The following FBXL18 variants were observed in gnomAD, a reference collection of about 807,000 sequenced individuals.
FBXL18 encodes the protein F-box/LRR-repeat protein 18.
A neutral mutation model predicts 46.0 loss-of-function variants in FBXL18; 36 were observed. That is an observed-to-expected ratio of 0.78 (90% confidence interval 0.60 to 1.03). The LOEUF is 1.03. Ranked by LOEUF, FBXL18 falls within the 50% of genes least tolerant of loss-of-function variation. FBXL18 has a pLI of 0.00. For synonymous variants in FBXL18, 557 were observed against 465.3 expected, an observed-to-expected ratio of 1.20 and a Z score of -2.54; for missense variants, 977 against 1,004.1, an observed-to-expected ratio of 0.97 and a Z score of 0.36.
chr7:5,471,188 G>A (rs1364871872), downstream of FBXL18, among the ~76,000 whole-genome samples: 2 of 152,116 alleles, frequency 1.3e-5, no homozygotes, highest in South Asian at 2.1e-4. Context: ...TAAATCAGCC[G>A]CTGTGCAGGG....
At chr7:5,485,478 T>C (rs571843138) in intron 4 of FBXL18, among the ~76,000 whole-genome samples, 14 of 152,278 alleles carry the variant, frequency 9.2e-5, no homozygotes, top group South Asian at 8.3e-4. Flanking sequence ...GTTCAGATGC[T>C]GCAGACACAT....
At chr7:5,490,759 G>C (rs1783900636) in intron 4 of FBXL18, among the ~76,000 whole-genome samples, 1 of 152,224 alleles carries the variant, frequency 6.6e-6, no homozygotes, top group Non-Finnish European at 1.5e-5. Context: ...GAGGTCGGGA[G>C]TTCGAGACCA....
intron 4 of FBXL18, among the ~76,000 whole-genome samples, chr7:5,466,135 A>T (rs945201683): frequency 2.6e-5 from 4 of 151,784 alleles, no homozygotes; most frequent in South Asian, 2.1e-4. Flanking sequence ...ATCTATTTTT[A>T]AAAAACAAGT....
intron 4 of FBXL18, among the ~76,000 whole-genome samples, chr7:5,486,659 A>G (rs1485100337): frequency 6.6e-6 from 1 of 152,120 alleles, no homozygotes; most frequent in Non-Finnish European, 1.5e-5. Flanking sequence ...TCTCTAAAAA[A>G]AGAAAAAGAA....
chr7:5,488,655 G>A (rs892686437), intron 4 of FBXL18, among the ~76,000 whole-genome samples: 1 of 152,218 alleles, frequency 6.6e-6, no homozygotes, highest in Non-Finnish European at 1.5e-5. Flanking sequence ...GGCAGCTCTA[G>A]GTGCACAGTC....
At chr7:5,504,915 C>CAAAAAAAA (rs59985346) in intron 2 of FBXL18, among the ~76,000 whole-genome samples, 20 of 30,066 alleles carry the variant, frequency 6.7e-4, no homozygotes, top group East Asian at 1.6e-3. Flanking sequence ...GACTCCATCT[C>CAAAAAAAA]AAAAAAAAAA....
intron 4 of FBXL18, among the ~76,000 whole-genome samples, chr7:5,463,728 A>ATTTAT (rs1562672288): frequency 1.1e-4 from 6 of 53,012 alleles, no homozygotes; most frequent in African/African-American, 4.0e-4. Context: ...TTATTTATTT[A>ATTTAT]TTTTTTTTTT....
chr7:5,487,580 C>T (rs9986884), intron 4 of FBXL18, among the ~76,000 whole-genome samples: 73,708 of 152,080 alleles, frequency 0.48, 18,133 homozygotes, highest in East Asian at 0.69. Context: ...CTCCCTGCCT[C>T]ATTGCTCAGG....
At chr7:5,470,822 G>A (rs953000436), downstream of FBXL18, among the ~76,000 whole-genome samples, 4 of 152,126 alleles carry the variant, frequency 2.6e-5, no homozygotes, top group Non-Finnish European at 4.4e-5. Context: ...CAGCGCGGCC[G>A]GCTGGGAGCT....
downstream of FBXL18, among the ~76,000 whole-genome samples, chr7:5,475,276 C>T (rs888971713): frequency 1.3e-4 from 19 of 151,942 alleles, no homozygotes; most frequent in African/African-American, 4.6e-4. This position sits in a 1 kb window ranked among gnomAD's most constrained non-coding sequence, Gnocchi z 4.2. Context: ...GAGCTGAGAT[C>T]ACACTACTGC....
At position 5,505,168 on chromosome 7, in the gene FBXL18, C is replaced by T. The variant is rs558925938; in HGVS notation, c.237+244G>A. Among the ~76,000 whole-genome samples, 358 of 152,082 alleles carry T rather than the reference C, an allele frequency of 2.4e-3. 1 individual carries two copies. The highest frequency in any genetic ancestry group is 8.2e-3 in the African/African-American group (342 of 41,480). ...CAACCCCTCTCCCCCACTCCCAAGG[C>T]CCTAGGTTCCCTCCCAGAACCATGT... On this transcript the variant is annotated intron_variant, in intron 2 of 4. Coordinates refer to ENST00000382368, the MANE Select transcript of FBXL18 (RefSeq NM_024963.6).
At chr7:5,511,579 C>G (rs1784533727) in intron 1 of FBXL18, among the ~76,000 whole-genome samples, 4 of 150,872 alleles carry the variant, frequency 2.7e-5, no homozygotes, top group Admixed American at 2.6e-4. Context: ...GCACTCCAGC[C>G]TGGGCAAAAA....
At chr7:5,488,379 A>G (rs1417299631) in intron 4 of FBXL18, among the ~76,000 whole-genome samples, 1 of 152,228 alleles carries the variant, frequency 6.6e-6, no homozygotes, top group African/African-American at 2.4e-5. Flanking sequence ...TCATCGGAGC[A>G]GGAGGCCTTC....
intron 4 of FBXL18, among the ~76,000 whole-genome samples, chr7:5,456,642 A>AG (rs1288219745): frequency 1.3e-5 from 2 of 151,228 alleles, no homozygotes; most frequent in Non-Finnish European, 3.0e-5. Flanking sequence ...AGGTATGGAA[A>AG]AAAAAAAAAA....
chr7:5,481,701 C>T lies in FBXL18; in HGVS notation c.*74G>A. ...GAGGCCCCCTTCCTCTTGTGACAAA[C>T]CAAGGGTCCCTGGCGTCCCAGGCTC... On this transcript the variant is annotated 3_prime_UTR_variant, in exon 5 of 5. Transcript: ENST00000382368. The T allele has an allele frequency of 5.8e-6, 9 of 1,541,058 alleles. No individual in the cohort carries two copies. Among genetic ancestry groups the T allele is most frequent in the Admixed American group, 1.8e-5 (1 of 56,738 alleles).
downstream of FBXL18, among the ~76,000 whole-genome samples, chr7:5,472,921 C>T (rs1485606419): frequency 1.3e-5 from 2 of 152,160 alleles, no homozygotes; most frequent in African/African-American, 4.8e-5. Flanking sequence ...TCCTCTCCCC[C>T]GCTTGCCTGT....
In FBXL18 at chr7:5,513,798, C is replaced by G; in HGVS notation, c.-124G>C. On this transcript the variant is annotated 5_prime_UTR_variant, in exon 1 of 5. Transcript: ENST00000382368. ...CCGAGACCCCGGCAAGGAGCGGGCTCTCGTCACTTCCGGCGCCCGCCTACA... is the reference window on the plus strand; with the variant it reads ...CCGAGACCCCGGCAAGGAGCGGGCTGTCGTCACTTCCGGCGCCCGCCTACA... 1 of 1,363,522 alleles carries G rather than the reference C, an allele frequency of 7.3e-7. No individual in the cohort carries two copies. Among genetic ancestry groups the G allele is most frequent in the Non-Finnish European group, 9.9e-7 (1 of 1,009,842 alleles). 84.5% of individuals were successfully genotyped at this position (1,363,522 alleles called of 1,614,324 possible). A position where few individuals can be genotyped will look rare whatever the true frequency, so the allele number is the denominator to read the frequency against.
Position 5,481,348 on chromosome 7 carries a change from C to T in FBXL18, c.*427G>A, listed in dbSNP as rs1052027656. On this transcript the variant is annotated 3_prime_UTR_variant, in exon 5 of 5. Coordinates refer to ENST00000382368, the MANE Select transcript of FBXL18 (RefSeq NM_024963.6). ...GGACTTCAGGGGGACAGCATGTGGC[C>T]GCCCATCCACGGGGCCCCGGTGGCA... The T allele has an allele frequency of 4.0e-5, 7 of 174,776 alleles. No individual in the cohort carries two copies. The highest frequency in any genetic ancestry group is 5.5e-5 in the Admixed American group (1 of 18,100). 10.8% of individuals were successfully genotyped at this position (174,776 alleles called of 1,614,324 possible).
downstream of FBXL18, among the ~76,000 whole-genome samples, chr7:5,470,948 G>A (rs4724692): frequency 0.51 from 77,050 of 151,940 alleles, 19,865 homozygotes; most frequent in East Asian, 0.76. Context: ...TATCTGAGTA[G>A]GGACTCCCCT....
Sources: allele counts gnomAD v4.1 joint callset (sites outside exome capture counted in the v4.1 genomes callset), GRCh38; gene constraint gnomAD v4.1.1; non-coding constraint Gnocchi (gnomAD v3.1); transcripts MANE v1.5; gene names NCBI Gene and HGNC (gene_info 2026-07-23, HGNC 2026-07-21).